Variants in TTLL12 observed in about 807,000 individuals in gnomAD.
The protein encoded by TTLL12 is tubulin tyrosine ligase like 12.
Under a neutral mutation model 79.6 loss-of-function variants are expected in TTLL12, and 77 were observed. That is an observed-to-expected ratio of 0.97 (90% confidence interval 0.81 to 1.17). TTLL12 has a LOEUF of 1.17. TTLL12 is among the 50% of genes most tolerant of loss of function. The pLI, the probability that TTLL12 is intolerant of heterozygous loss-of-function variation, is 0.00. For missense variants in TTLL12, 969 were observed against 895.9 expected, an observed-to-expected ratio of 1.08 and a Z score of -1.04; for synonymous variants, 437 against 376.1, an observed-to-expected ratio of 1.16 and a Z score of -1.87.
chr22:43,172,609 C>T lies in TTLL12; in HGVS notation c.1342-55G>A, dbSNP rs45602338. ...GGCCAGGACAGAGCCCCCTGGGGCT[C>T]CCGAGCACACAAAGCCACGCAGGGG... On this transcript the variant is annotated intron_variant, in intron 9 of 13. Coordinates refer to ENST00000216129, the MANE Select transcript of TTLL12 (RefSeq NM_015140.4). 1,214 of 1,607,596 alleles carry T rather than the reference C, an allele frequency of 7.6e-4. 2 individuals are homozygous for T. The highest frequency in any genetic ancestry group is 1.2e-3 in the Middle Eastern group (7 of 6,064).
At position 43,174,360 on chromosome 22, in the gene TTLL12, G is replaced by A; in HGVS notation, c.1078C>T (p.Pro360Ser). ...ERPGVLLNQFPCENLLTVKDC... is the reference protein window; with the variant it reads ...ERPGVLLNQFSCENLLTVKDC... ...TTGACAGTCAGCAGGTTCTCGCAGGGGAACTGGTTCAGCAGCACGCCTGGC... is the reference window on the plus strand; with the variant it reads ...TTGACAGTCAGCAGGTTCTCGCAGGAGAACTGGTTCAGCAGCACGCCTGGC... The change falls in exon 8 of 14, where the codon CCC becomes TCC. Residue 360 changes from proline (P) to serine (S), a missense_variant. Physicochemically the swap from Pro to Ser is moderately conservative, Grantham distance 74. Transcript: ENST00000216129. 6.3e-7 allele frequency: 1 copy of A among 1,590,876 alleles called. No homozygotes were observed. Among genetic ancestry groups the A allele is most frequent in the Non-Finnish European group, 8.6e-7 (1 of 1,165,584 alleles).
chr22:43,173,720 G>T lies in TTLL12; in HGVS notation c.1336C>A (p.Pro446Thr). The T allele has an allele frequency of 6.2e-7, 1 of 1,601,628 alleles. No individual in the cohort carries two copies. The highest frequency in any genetic ancestry group is 8.5e-7 in the Non-Finnish European group (1 of 1,179,824). ...TCCTGGTCTGCGGGGCCCACCTTGG[G>T]GGTGCTCTCTCGGTGCCGGATGATG... ...HSIIRHREST[P>T]KVVSKYIESP... is the part of the protein sequence containing the mutation. Residue 446 changes from proline to threonine, a missense_variant, in exon 9 of 14, where the codon CCC becomes ACC. By Grantham distance (38) the Pro-to-Thr change is conservative. Transcript: ENST00000216129.
intron 1 of TTLL12, among the ~76,000 whole-genome samples, chr22:43,186,174 C>T (rs985079863): frequency 6.9e-6 from 1 of 144,846 alleles, no homozygotes; most frequent in Non-Finnish European, 1.5e-5. Flanking sequence ...ATGTCGGGTC[C>T]CAGCTAAAGA....
chr22:43,176,306 G>C lies in TTLL12; in HGVS notation c.917+14C>G, dbSNP rs770979898. The C allele has an allele frequency of 5.7e-6, 9 of 1,573,578 alleles. No individual in the cohort carries two copies. Among genetic ancestry groups the C allele is most frequent in the South Asian group, 1.2e-5 (1 of 86,538 alleles). ...GACAAGTCCCAGCCCAAGCAGTGGG[G>C]GGGGGCTACGCACTTGAAGATGTGG... is the stretch of plus-strand genomic sequence containing the variant. On this transcript the variant is annotated intron_variant, in intron 6 of 13. Coordinates refer to ENST00000216129, the MANE Select transcript of TTLL12 (RefSeq NM_015140.4).
rs771495100 is a variant in TTLL12 at position 43,180,020 on chromosome 22, G to A, written c.547-20C>T. ...AGCTGTCTGCAGACAGAGCACATATGGCACCTCTCGCTCACCCATCCACCC... is the reference window on the plus strand; with the variant it reads ...AGCTGTCTGCAGACAGAGCACATATAGCACCTCTCGCTCACCCATCCACCC... On this transcript the variant is annotated intron_variant, in intron 3 of 13. Transcript: ENST00000216129. 3.1e-5 allele frequency: 49 copies of A among 1,559,584 alleles called. No homozygotes were observed. Among genetic ancestry groups the A allele is most frequent in the Non-Finnish European group, 4.2e-5 (48 of 1,153,414 alleles).
chr22:43,168,175 G>A lies in TTLL12; in HGVS notation c.1784-16C>T, dbSNP rs747263114. 1.3e-5 allele frequency: 21 copies of A among 1,612,442 alleles called. No individual in the cohort carries two copies. Among genetic ancestry groups the A allele is most frequent in the South Asian group, 2.2e-5 (2 of 91,020 alleles). Reference sequence around the variant, plus strand: ...ACCCGCCTTCCTGATGGCAAAGAGCGCAGCAGAGTGTGAAGGCTCGTTGGC... The same window carrying A: ...ACCCGCCTTCCTGATGGCAAAGAGCACAGCAGAGTGTGAAGGCTCGTTGGC... On this transcript the variant is annotated splice_polypyrimidine_tract_variant and intron_variant, in intron 13 of 13. Transcript: ENST00000216129.
intron 5 of TTLL12, among the ~76,000 whole-genome samples, chr22:43,177,971 C>T (rs1264696160): frequency 2.6e-5 from 4 of 152,196 alleles, no homozygotes; most frequent in Admixed American, 6.5e-5. Context: ...GGCCTTGTAT[C>T]TCCTCCTCTT....
Position 43,167,769 on chromosome 22 carries a change from G to A in TTLL12, c.*239C>T, listed in dbSNP as rs1403269764. The A allele has an allele frequency of 1.1e-5, 5 of 460,220 alleles. No homozygotes were observed. The highest frequency in any genetic ancestry group is 3.1e-5 in the South Asian group (1 of 31,836). The allele number at this position is 460,220 out of a possible 1,614,324, so 28.5% of individuals were successfully genotyped here. On this transcript the variant is annotated 3_prime_UTR_variant, in exon 14 of 14. Transcript: ENST00000216129. Reference sequence around the variant, plus strand: ...TGGTGGTGAGGGGTGAGGGCAGGGCGTGGGGTGGTGCTCAGCCCTGGGGAC... The same window carrying A: ...TGGTGGTGAGGGGTGAGGGCAGGGCATGGGGTGGTGCTCAGCCCTGGGGAC...
In TTLL12 at chr22:43,174,343, C is replaced by G. The variant is rs370358314; in HGVS notation, c.1095G>C (p.Leu365=). ...TGGAGGCCAGGCAGTCCTTGACAGT[C>G]AGCAGGTTCTCGCAGGGGAACTGGT... is the stretch of plus-strand genomic sequence containing the variant. ...LLNQFPCENL[L]TVKDCLASIA... The change falls in exon 8 of 14, where the codon CTG becomes CTC. Residue 365 remains leucine (L), a synonymous_variant. Transcript: ENST00000216129. 2.1e-5 allele frequency: 33 copies of G among 1,599,872 alleles called. No homozygotes were observed. In the East Asian group the frequency reaches 2.7e-4, roughly 13 times the overall value.
intron 9 of TTLL12, among the ~76,000 whole-genome samples, 198 bp from the exon 10 acceptor site, chr22:43,172,752 C>T (rs575320515): frequency 1.2e-4 from 18 of 151,286 alleles, no homozygotes; most frequent in South Asian, 8.4e-4. Context: ...AGCTGGAGTG[C>T]GGTGGCACAA....
intron 6 of TTLL12, 87 bp from the exon 7 acceptor site, chr22:43,174,702 C>T (rs1458892216): frequency 1.0e-6 from 1 of 988,740 alleles, no homozygotes. Context: ...GGACTCCCTT[C>T]CCTGTTTTGA....
intron 10 of TTLL12, 125 bp downstream of exon 10, chr22:43,172,278 G>A: frequency 1.7e-6 from 2 of 1,200,010 alleles, no homozygotes; most frequent in Non-Finnish European, 2.4e-6. Flanking sequence ...GCCGCTAGCT[G>A]GGTGAGTGAT....
chr22:43,174,714 G>A (rs1035494854), intron 6 of TTLL12, 99 bp from the exon 7 acceptor site: 16 of 867,748 alleles, frequency 1.8e-5, no homozygotes, highest in Non-Finnish European at 2.5e-5. Flanking sequence ...CTGTTTTGAA[G>A]CTAATGAGGC....
chr22:43,180,513 G>A (rs576822497), intron 3 of TTLL12, among the ~76,000 whole-genome samples: 318 of 152,262 alleles, frequency 2.1e-3, no homozygotes, highest in Admixed American at 3.9e-3. Context: ...GGAAAGAGGC[G>A]GCTGAGTCAT....
intron 1 of TTLL12, among the ~76,000 whole-genome samples, chr22:43,185,136 G>A (rs1932146593): frequency 6.6e-6 from 1 of 151,526 alleles, no homozygotes; most frequent in Non-Finnish European, 1.5e-5. Flanking sequence ...GCTGAGGCAG[G>A]AGAATCATTT....
In TTLL12 at chr22:43,174,244, G is replaced by T; in HGVS notation, c.1194C>A (p.Pro398=). ...PRTFNLRTEL[P]QFVSYFQQRE... is the part of the protein sequence containing the mutation. ...GCTGCTGGAAGTAGCTGACAAACTG[G>T]GGCAGCTCAGTGCGCAGGTTGAAGG... Residue 398 remains proline (P), a synonymous_variant, in exon 8 of 14, where the codon CCC becomes CCA. Coordinates refer to ENST00000216129, the MANE Select transcript of TTLL12 (RefSeq NM_015140.4). 1 of 1,607,600 alleles carries T rather than the reference G, an allele frequency of 6.2e-7. No individual in the cohort carries two copies.
chr22:43,172,660 CT>C, intron 9 of TTLL12, 106 bp from the exon 10 acceptor site: 1 of 1,255,696 alleles, frequency 8.0e-7, no homozygotes, highest in Non-Finnish European at 1.1e-6. Context: ...CACTTTACTC[CT>C]CCTTCTGCCT....
At chr22:43,186,189 A>ACCG (rs1555982109) in intron 1 of TTLL12, among the ~76,000 whole-genome samples, 4 of 82,140 alleles carry the variant, frequency 4.9e-5, no homozygotes, top group South Asian at 4.0e-4. Context: ...TAAAGAAAAC[A>ACCG]CCCCCCCCCC....
rs772616325 is a variant in TTLL12, at chr22:43,180,739, C to T, written c.546+3G>A. On this transcript the variant is annotated splice_donor_region_variant and intron_variant, in intron 3 of 13. Transcript: ENST00000216129. Reference sequence around the variant, plus strand: ...CCTCCCCGGGGCCCAGCTACCCACTCACCCCATGGGCCAGCTGGTAGGTCT... The same window carrying T: ...CCTCCCCGGGGCCCAGCTACCCACTTACCCCATGGGCCAGCTGGTAGGTCT... 1.2e-5 allele frequency: 20 copies of T among 1,612,786 alleles called. No homozygotes were observed. The highest frequency in any genetic ancestry group is 1.7e-5 in the Admixed American group (1 of 60,012).
Sources: allele counts gnomAD v4.1 joint callset (sites outside exome capture counted in the v4.1 genomes callset), GRCh38; gene constraint gnomAD v4.1.1; transcripts MANE v1.5; gene names NCBI Gene and HGNC (gene_info 2026-07-23, HGNC 2026-07-21).